Variants in RAD51B observed in about 807,000 individuals in gnomAD.
RAD51B encodes the protein DNA repair protein RAD51 homolog 2.
A neutral mutation model predicts 42.2 loss-of-function variants in RAD51B; 38 were observed. The ratio of observed to expected loss-of-function variants is 0.90; its 90% CI spans 0.70 to 1.18. RAD51B has a LOEUF of 1.18. Ranked by LOEUF, RAD51B falls within the 50% of genes most tolerant of loss-of-function variation. The pLI, the probability that RAD51B is intolerant of heterozygous loss-of-function variation, is 0.00. For synonymous variants in RAD51B, 154 were observed against 145.2 expected (o/e 1.06, Z -0.43); for missense variants, 373 against 400.7 (o/e 0.93, Z 0.59).
intron 9 of RAD51B, among the ~76,000 whole-genome samples, chr14:68,437,778 G>T (rs1487193293): frequency 1.3e-5 from 2 of 152,202 alleles, no homozygotes; most frequent in African/African-American, 4.8e-5. Context: ...TGAAGGAATT[G>T]TGGAAGAGGA....
intron 7 of RAD51B, among the ~76,000 whole-genome samples, chr14:68,101,748 G>T (rs1375345910): frequency 6.6e-6 from 1 of 152,028 alleles, no homozygotes; most frequent in Non-Finnish European, 1.5e-5. Flanking sequence ...GCTGTCAGTG[G>T]ATCTGCCTTT....
chr14:67,887,384 T>G (rs2043094751), intron 7 of RAD51B, 180 bp downstream of exon 7: 1 of 471,876 alleles, frequency 2.1e-6, no homozygotes, highest in African/African-American at 2.0e-5. Context: ...TTAGCTCATC[T>G]GCTGAGATTA....
At chr14:68,055,313 T>C (rs2140427924) in intron 7 of RAD51B, among the ~76,000 whole-genome samples, 1 of 152,270 alleles carries the variant, frequency 6.6e-6, no homozygotes, top group South Asian at 2.1e-4. Context: ...TTAGAACCAG[T>C]TTTGGGGAGA....
chr14:68,087,812 A>G (rs1423833097), intron 7 of RAD51B, among the ~76,000 whole-genome samples: 1 of 130,252 alleles, frequency 7.7e-6, no homozygotes, highest in African/African-American at 3.3e-5. Context: ...TTATTGACTT[A>G]AAAATAATAT....
chr14:67,989,635 CAAAAAAAAAAAAA>C (rs764608072), intron 7 of RAD51B, among the ~76,000 whole-genome samples: 1 of 66,904 alleles, frequency 1.5e-5, no homozygotes, highest in Admixed American at 1.7e-4. Flanking sequence ...AACTCTGTCT[CAAAAAAAAAAAAA>C]AAAAAAAAAG....
intron 10 of RAD51B, among the ~76,000 whole-genome samples, chr14:68,544,664 G>A (rs972678004): frequency 1.3e-5 from 2 of 152,108 alleles, no homozygotes; most frequent in Non-Finnish European, 2.9e-5. Flanking sequence ...AAGAAAGGAG[G>A]ACCAGGTGAC....
intron 10 of RAD51B, among the ~76,000 whole-genome samples, chr14:68,573,411 C>T (rs536094530): frequency 1.3e-5 from 2 of 152,308 alleles, no homozygotes; most frequent in East Asian, 1.9e-4. Context: ...TGGATTGCTC[C>T]CTGCCTCCTC....
intron 7 of RAD51B, among the ~76,000 whole-genome samples, chr14:67,944,198 AAG>A (rs1188437956): frequency 1.4e-5 from 2 of 143,364 alleles, no homozygotes; most frequent in Non-Finnish European, 3.0e-5. Flanking sequence ...CTAAGAAGTA[AAG>A]ATTTTTTTTT....
chr14:68,574,221 G>A (rs996795124), intron 10 of RAD51B, among the ~76,000 whole-genome samples: 6 of 152,214 alleles, frequency 3.9e-5, no homozygotes, highest in African/African-American at 9.6e-5. Context: ...CAATACTGCC[G>A]CCTCAGCCTC....
intron 11 of RAD51B, among the ~76,000 whole-genome samples, chr14:68,677,340 G>A (rs566046286): frequency 6.6e-6 from 1 of 152,128 alleles, no homozygotes; most frequent in Non-Finnish European, 1.5e-5. Flanking sequence ...GATTCCTTGC[G>A]CACCCTGCTA....
chr14:68,261,919 G>A (rs2080898240), intron 7 of RAD51B, among the ~76,000 whole-genome samples: 1 of 152,096 alleles, frequency 6.6e-6, no homozygotes, highest in Admixed American at 6.6e-5. Flanking sequence ...CAGTAGGCCG[G>A]GGACGCTGGG....
Position 68,390,116 on chromosome 14 carries a change from C to T in RAD51B, c.854-21308C>T, listed in dbSNP as rs1274123970. Among the ~76,000 whole-genome samples the T allele has an allele frequency of 2.0e-5, 3 of 152,160 alleles. No homozygotes were observed. The East Asian group carries it at 5.8e-4, about 29-fold the overall frequency. On this transcript the variant is annotated intron_variant, in intron 8 of 10. Transcript: ENST00000471583. ...ATCATAAGAAATAATACTTACATAA[C>T]ATTTTGGAATCCTTGAATGAAAAGT...
chr14:67,910,323 G>A (rs566090359), intron 7 of RAD51B, among the ~76,000 whole-genome samples: 23 of 77,102 alleles, frequency 3.0e-4, no homozygotes, highest in Admixed American at 8.4e-4. Context: ...GGAGAATGGC[G>A]TGAACCCAGG....
At chr14:68,351,365 C>CCT (rs771784980) in intron 8 of RAD51B, among the ~76,000 whole-genome samples, 2 of 152,018 alleles carry the variant, frequency 1.3e-5, no homozygotes, top group Non-Finnish European at 2.9e-5. Context: ...GGGAATAATT[C>CCT]CTCTCTCTCT....
At chr14:67,941,763 A>C (rs2045219151) in intron 7 of RAD51B, among the ~76,000 whole-genome samples, 1 of 152,240 alleles carries the variant, frequency 6.6e-6, no homozygotes, top group Admixed American at 6.5e-5. Context: ...AAGTGGAAAA[A>C]GTGGGAAAGG....
chr14:68,655,215 C>G (rs1428271634), intron 11 of RAD51B, among the ~76,000 whole-genome samples: 1 of 152,134 alleles, frequency 6.6e-6, no homozygotes, highest in African/African-American at 2.4e-5. Context: ...TGATCTCTCT[C>G]TCTCTCAATG....
intron 7 of RAD51B, among the ~76,000 whole-genome samples, chr14:67,931,201 G>C (rs879485462): frequency 2.0e-5 from 3 of 152,122 alleles, no homozygotes; most frequent in African/African-American, 7.2e-5. Flanking sequence ...GATTACAGGC[G>C]TGAGCCACCG....
intron 4 of RAD51B, among the ~76,000 whole-genome samples, chr14:67,835,435 A>G (rs1202850975): frequency 2.0e-5 from 3 of 152,096 alleles, no homozygotes; most frequent in Non-Finnish European, 4.4e-5. Context: ...TCATTGAGTT[A>G]ACTTAGAAAG....
intron 7 of RAD51B, among the ~76,000 whole-genome samples, chr14:67,980,132 CA>C (rs35778215): frequency 1.8e-4 from 26 of 147,042 alleles, no homozygotes; most frequent in African/African-American, 3.0e-4. Flanking sequence ...CATCTTATGC[CA>C]AAAAAAAAAT....
Sources: allele counts gnomAD v4.1 joint callset (sites outside exome capture counted in the v4.1 genomes callset), GRCh38; gene constraint gnomAD v4.1.1; transcripts MANE v1.5; gene names NCBI Gene and HGNC (gene_info 2026-07-23, HGNC 2026-07-21).